NTRK2: variants seen among roughly 807,000 people sequenced by gnomAD.
The protein encoded by NTRK2 is neurotrophic receptor tyrosine kinase 2.
A neutral mutation model predicts 94.5 loss-of-function variants in NTRK2; 13 were observed. The observed-to-expected ratio is 0.14, with a 90% CI of 0.09 to 0.22. The LOEUF (loss-of-function observed/expected upper bound fraction) is 0.22. NTRK2 is among the 10% of genes least tolerant of loss of function. The pLI, the probability that NTRK2 is intolerant of heterozygous loss-of-function variation, is 1.00. For synonymous variants in NTRK2, 372 were observed against 407.4 expected (o/e 0.91, Z 1.05); for missense variants, 639 against 1,071.2 (o/e 0.60, Z 5.63).
Position 84,693,343 on chromosome 9 carries a change from A to T in NTRK2, c.213-8816A>T, listed in dbSNP as rs560412692. On this transcript the variant is annotated intron_variant, in intron 2 of 18. Transcript: ENST00000277120. The stretch of plus-strand genomic sequence containing the variant: ...TTCATTATAGAGACCTATATGTTTT[A>T]TGAGAAAGAAAATGTTAAGTTTTTT... Among the ~76,000 whole-genome samples the T allele has an allele frequency of 1.3e-3, 203 of 152,320 alleles. 1 individual carries two copies. The highest frequency in any genetic ancestry group is 6.8e-3 in the Middle Eastern group (2 of 294).
intron 14 of NTRK2, among the ~76,000 whole-genome samples, chr9:84,889,458 G>C (rs1440084735): frequency 6.6e-6 from 1 of 152,030 alleles, no homozygotes; most frequent in Non-Finnish European, 1.5e-5. Flanking sequence ...TGTTGCCCAA[G>C]CTGGAATGCA....
At chr9:84,889,224 T>A (rs913165509) in intron 14 of NTRK2, among the ~76,000 whole-genome samples, 2 of 151,218 alleles carry the variant, frequency 1.3e-5, no homozygotes, top group South Asian at 4.2e-4. Context: ...TCTCCTGACC[T>A]CGTGATCCGC....
intron 5 of NTRK2, 21 bp downstream of exon 5, chr9:84,707,933 G>A (rs1372757466): frequency 6.3e-7 from 1 of 1,599,740 alleles, no homozygotes; most frequent in Non-Finnish European, 8.6e-7. Context: ...ATTTTGTGTG[G>A]CATTTGGGGA....
At chr9:84,937,333 C>T (rs1415964824) in intron 15 of NTRK2, among the ~76,000 whole-genome samples, 1 of 152,178 alleles carries the variant, frequency 6.6e-6, no homozygotes, top group East Asian at 1.9e-4. Context: ...ATTATGCATG[C>T]TAAGAAATAG....
At chr9:84,876,942 T>C in intron 14 of NTRK2, 3 of 1,061,214 alleles carry the variant, frequency 2.8e-6, no homozygotes, top group Non-Finnish European at 3.4e-6. Flanking sequence ...TACCTAGATT[T>C]TTATGGACAT....
intron 15 of NTRK2, among the ~76,000 whole-genome samples, chr9:84,935,536 A>G (rs886618748): frequency 1.3e-5 from 2 of 152,198 alleles, no homozygotes; most frequent in African/African-American, 4.8e-5. Flanking sequence ...TTTGGGGTGA[A>G]TAAAGAACAG....
At chr9:84,916,303 G>C (rs2077391503) in intron 14 of NTRK2, among the ~76,000 whole-genome samples, 1 of 152,092 alleles carries the variant, frequency 6.6e-6, no homozygotes, top group Non-Finnish European at 1.5e-5. Context: ...TGTCACAGTG[G>C]GTTCTTGACT....
chr9:84,890,660 A>T (rs1198406475), intron 14 of NTRK2, among the ~76,000 whole-genome samples: 2 of 152,240 alleles, frequency 1.3e-5, no homozygotes, highest in Non-Finnish European at 2.9e-5. Flanking sequence ...CCATCTTCCT[A>T]CTGCCATAAT....
chr9:84,782,551 A>G (rs2067700033), intron 12 of NTRK2, among the ~76,000 whole-genome samples: 1 of 152,196 alleles, frequency 6.6e-6, no homozygotes, highest in Non-Finnish European at 1.5e-5. Flanking sequence ...AATGAAAAAA[A>G]CAAATAATCA....
At chr9:84,877,481 C>T in intron 14 of NTRK2, 1 of 1,066,132 alleles carries the variant, frequency 9.4e-7, no homozygotes. Flanking sequence ...GGCACTACAT[C>T]TGTGTATTAC....
chr9:84,894,648 A>G (rs1437142042), intron 14 of NTRK2, among the ~76,000 whole-genome samples: 1 of 152,262 alleles, frequency 6.6e-6, no homozygotes, highest in Non-Finnish European at 1.5e-5. Flanking sequence ...TATCCAAGCA[A>G]TAGTTTGCCT....
intron 17 of NTRK2, among the ~76,000 whole-genome samples, chr9:85,011,148 A>G (rs1415690060): frequency 6.6e-6 from 1 of 152,180 alleles, no homozygotes; most frequent in African/African-American, 2.4e-5. Flanking sequence ...AGGTTTGCTA[A>G]GCTCTAGAAT....
chr9:84,813,500 T>C, intron 12 of NTRK2: 3 of 1,065,414 alleles, frequency 2.8e-6, no homozygotes, highest in African/African-American at 3.3e-5. Context: ...AATTCACTTT[T>C]CTTTCTTCCT....
At chr9:84,914,518 A>G (rs1201400838) in intron 14 of NTRK2, among the ~76,000 whole-genome samples, 1 of 152,182 alleles carries the variant, frequency 6.6e-6, no homozygotes, top group Non-Finnish European at 1.5e-5. Flanking sequence ...ACTCTGACAC[A>G]TTACTGCCAG....
In NTRK2 at chr9:84,741,875, T is replaced by C; in HGVS notation, c.1160-17T>C. 6.2e-7 allele frequency: 1 copy of C among 1,610,828 alleles called. No individual in the cohort carries two copies. ...AAAATGCATACTTACAAATCTTTGC[T>C]CTGTTTTGCCTTTTAGGTGCAAACC... On this transcript the variant is annotated splice_polypyrimidine_tract_variant and intron_variant, in intron 9 of 18. Coordinates refer to ENST00000277120, the MANE Select transcript of NTRK2 (RefSeq NM_006180.6).
At chr9:84,680,162 A>C (rs1187351) in intron 2 of NTRK2, among the ~76,000 whole-genome samples, 91,747 of 152,026 alleles carry the variant, frequency 0.6, 27,810 homozygotes, top group Admixed American at 0.67. Context: ...ATCATGCAAA[A>C]AGTAGTTCAG....
chr9:84,942,050 G>C (rs978982499), intron 15 of NTRK2, among the ~76,000 whole-genome samples: 25 of 152,160 alleles, frequency 1.6e-4, no homozygotes, highest in African/African-American at 6.0e-4. Flanking sequence ...TTAAAGTCCT[G>C]TCAAAGGAGT....
intron 17 of NTRK2, among the ~76,000 whole-genome samples, chr9:84,998,788 T>C: frequency 6.6e-6 from 1 of 152,184 alleles, no homozygotes; most frequent in East Asian, 1.9e-4. Flanking sequence ...AGAGAAGAAA[T>C]TTGATACTGG....
chr9:84,692,957 G>A (rs1228952301), intron 2 of NTRK2, among the ~76,000 whole-genome samples: 2 of 152,128 alleles, frequency 1.3e-5, no homozygotes, highest in Admixed American at 1.3e-4. Flanking sequence ...GTGAAAGATC[G>A]GAAGTTGCTC....
Sources: allele counts gnomAD v4.1 joint callset (sites outside exome capture counted in the v4.1 genomes callset), GRCh38; gene constraint gnomAD v4.1.1; transcripts MANE v1.5; gene names NCBI Gene and HGNC (gene_info 2026-07-23, HGNC 2026-07-21).